TFG: variants seen among roughly 807,000 people sequenced by gnomAD.
TFG encodes the protein trafficking from ER to golgi regulator, also known as protein TFG.
TFG carries 22 observed loss-of-function variants against 51.4 expected under a neutral mutation model. The observed-to-expected ratio is 0.43, with a 90% confidence interval of 0.31 to 0.61. TFG has a LOEUF of 0.61. Ranked by LOEUF, TFG falls within the 20% of genes least tolerant of loss-of-function variation. The probability of loss-of-function intolerance (pLI) is 0.12; values close to 1 mark genes in which losing one functional copy is unlikely to be tolerated. For missense variants in TFG, 419 were observed against 487.7 expected, an observed-to-expected ratio of 0.86 and a Z score of 1.33; for synonymous variants, 187 against 165.6, an observed-to-expected ratio of 1.13 and a Z score of -0.99.
chr3:100,718,801 G>A (rs1322365243), intron 2 of TFG, among the ~76,000 whole-genome samples: 3 of 151,722 alleles, frequency 2.0e-5, no homozygotes, highest in East Asian at 1.9e-4. Context: ...CAGGTGATCC[G>A]CCCACCTCAG....
Position 100,748,334 on chromosome 3 carries a change from CCTA to C in TFG, c.1010_1012del (p.Thr337del). On this transcript the variant is annotated inframe_deletion, in exon 8 of 8. Transcript: ENST00000240851. ...AACTTACACTGCCCAAACTTCTCAG[CCTA>C]CTAATTATACTGTGGCTCCTGCCTC... 1 of 1,614,082 alleles carries C rather than the reference CCTA, an allele frequency of 6.2e-7. No individual in the cohort carries two copies. Among genetic ancestry groups the C allele is most frequent in the East Asian group, 2.2e-5 (1 of 44,858 alleles).
chr3:100,737,958 C>A (rs1261288898), intron 6 of TFG, among the ~76,000 whole-genome samples: 7 of 152,092 alleles, frequency 4.6e-5, no homozygotes. Flanking sequence ...ACTTGGGAAG[C>A]TGAAGTGGGA....
intron 3 of TFG, among the ~76,000 whole-genome samples, chr3:100,726,079 A>C (rs2149074889): frequency 6.6e-6 from 1 of 152,278 alleles, no homozygotes; most frequent in South Asian, 2.1e-4. Context: ...GGCTCAGTCC[A>C]AGTCCAAAAG....
chr3:100,711,553 AG>A (rs1030939464), intron 1 of TFG, among the ~76,000 whole-genome samples: 12 of 152,214 alleles, frequency 7.9e-5, no homozygotes, highest in African/African-American at 2.7e-4. Context: ...GTACAGTGTG[AG>A]GGGTCGGATG....
Position 100,748,345 on chromosome 3 carries a change from T to C in TFG, c.1017T>C (p.Tyr339=), listed in dbSNP as rs1202673440. ...CCCAAACTTCTCAGCCTACTAATTA[T>C]ACTGTGGCTCCTGCCTCTCAACCTG... ...YTAQTSQPTN[Y]TVAPASQPGM... is the part of the protein sequence containing the mutation. The change falls in exon 8 of 8, where the codon TAT becomes TAC. Residue 339 remains tyrosine, a synonymous_variant. Transcript: ENST00000240851. 1.2e-6 allele frequency: 2 copies of C among 1,613,994 alleles called. No individual in the cohort carries two copies. Among genetic ancestry groups the C allele is most frequent in the Non-Finnish European group, 8.5e-7 (1 of 1,180,000 alleles).
At chr3:100,743,759 A>G (rs529504871) in intron 6 of TFG, 1 of 152,082 alleles carries the variant, frequency 6.6e-6, no homozygotes, top group African/African-American at 2.4e-5. Context: ...TGTGAGTCCT[A>G]GCTGCCTACT....
At chr3:100,720,496 A>C (rs1030720432) in intron 3 of TFG, among the ~76,000 whole-genome samples, 2 of 152,246 alleles carry the variant, frequency 1.3e-5, no homozygotes, top group Non-Finnish European at 2.9e-5. Context: ...CAGTTCTTCT[A>C]TGGAAGGGGG....
At chr3:100,745,054 G>T in intron 7 of TFG, 123 bp downstream of exon 7, 1 of 439,306 alleles carries the variant, frequency 2.3e-6, no homozygotes, top group Non-Finnish European at 4.1e-6. Context: ...TTTATTAGGG[G>T]AAACAACATT....
At chr3:100,717,218 A>G (rs534400407) in intron 2 of TFG, among the ~76,000 whole-genome samples, 5 of 152,102 alleles carry the variant, frequency 3.3e-5, no homozygotes, top group African/African-American at 7.2e-5. Context: ...CTATTGATCT[A>G]TGTGTTTGTT....
intron 4 of TFG, among the ~76,000 whole-genome samples, chr3:100,730,831 T>C (rs961287495): frequency 2.6e-5 from 4 of 152,192 alleles, no homozygotes; most frequent in African/African-American, 9.7e-5. Flanking sequence ...GTATGTTTCC[T>C]GATGGTTTTA....
At chr3:100,722,218 G>T (rs1024632670) in intron 3 of TFG, among the ~76,000 whole-genome samples, 8 of 152,126 alleles carry the variant, frequency 5.3e-5, no homozygotes, top group African/African-American at 1.4e-4. Context: ...ACAATAAACA[G>T]ATTTTATAAA....
Position 100,748,131 on chromosome 3 carries a change from T to G in TFG, c.821-18T>G. 1 of 1,605,340 alleles carries G rather than the reference T, an allele frequency of 6.2e-7. No individual in the cohort carries two copies. The highest frequency in any genetic ancestry group is 1.3e-5 in the African/African-American group (1 of 74,574). ...TTACTAAAAGATAAGATACATGTTA[T>G]TTATTTTGCCTTTTCAGCAAGCTAT... is the stretch of plus-strand genomic sequence containing the variant. On this transcript the variant is annotated intron_variant, in intron 7 of 7. Coordinates refer to ENST00000240851, the MANE Select transcript of TFG (RefSeq NM_006070.6).
rs751968052 is a variant in TFG, at chr3:100,748,522, T to C, written c.1194T>C (p.Gly398=). The C allele has an allele frequency of 6.2e-7, 1 of 1,610,648 alleles. No homozygotes were observed. The highest frequency in any genetic ancestry group is 2.2e-5 in the East Asian group (1 of 44,796). ...FGQGYTQPGP[G]YR ...AGGGCTATACCCAACCTGGACCTGG[T>C]TATCGATAAGGAGGCTCCTCTACAC... Residue 398 remains glycine (G), a synonymous_variant, in exon 8 of 8, where the codon GGT becomes GGC. Transcript: ENST00000240851.
intron 7 of TFG, among the ~76,000 whole-genome samples, chr3:100,745,251 T>G (rs2095131923): frequency 6.6e-6 from 1 of 152,130 alleles, no homozygotes; most frequent in South Asian, 2.1e-4. Flanking sequence ...GTTTTCCCCC[T>G]TCCCTCCACC....
intron 4 of TFG, among the ~76,000 whole-genome samples, chr3:100,730,118 A>G (rs1214192869): frequency 6.6e-6 from 1 of 152,240 alleles, no homozygotes; most frequent in Non-Finnish European, 1.5e-5. Context: ...GAATTCATAG[A>G]TGCTGACACA....
chr3:100,726,743 T>C (rs1358551322), intron 3 of TFG, among the ~76,000 whole-genome samples: 1 of 152,098 alleles, frequency 6.6e-6, no homozygotes, highest in Non-Finnish European at 1.5e-5. Flanking sequence ...CGGAGAACAA[T>C]AGGATGTCTT....
intron 7 of TFG, 32 bp from the exon 8 acceptor site, chr3:100,748,112 AAAGAT>A (rs745847259): frequency 1.3e-6 from 2 of 1,576,150 alleles, no homozygotes; most frequent in South Asian, 2.3e-5. Context: ...AGTTTTACTA[AAAGAT>A]AAGATACATG....
chr3:100,715,550 A>G (rs935891980), intron 2 of TFG, among the ~76,000 whole-genome samples: 2 of 152,242 alleles, frequency 1.3e-5, no homozygotes, highest in African/African-American at 4.8e-5. Flanking sequence ...AGCTAAAGGT[A>G]TAATTCTCCT....
chr3:100,723,449 G>C (rs1041450956), intron 3 of TFG, among the ~76,000 whole-genome samples: 3 of 152,056 alleles, frequency 2.0e-5, no homozygotes, highest in Non-Finnish European at 4.4e-5. Context: ...ACATATATCG[G>C]TTAAAATAAT....
Sources: gnomAD v4.1 joint callset for allele counts (sites outside exome capture counted in the v4.1 genomes callset) on GRCh38, gnomAD v4.1.1 for gene constraint, MANE v1.5 for transcripts, NCBI Gene and HGNC (gene_info 2026-07-23, HGNC 2026-07-21) for gene names.